SLC25A21: variants seen among roughly 807,000 people sequenced by gnomAD.
SLC25A21 encodes solute carrier family 25 member 21.
A neutral mutation model predicts 43.8 loss-of-function variants in SLC25A21; 47 were observed. The observed-to-expected ratio is 1.07, with a 90% CI of 0.85 to 1.37. The LOEUF (loss-of-function observed/expected upper bound fraction) is 1.37, where lower values mean the gene tolerates loss of function less well. Ranked by LOEUF, SLC25A21 falls within the 40% of genes most tolerant of loss-of-function variation. SLC25A21 has a pLI of 0.00. For missense variants in SLC25A21, 352 were observed against 350.2 expected (o/e 1.00, Z -0.04); for synonymous variants, 131 against 121.3 (o/e 1.08, Z -0.52).
At chr14:36,891,018 C>T (rs774633074) in intron 1 of SLC25A21, among the ~76,000 whole-genome samples, 4 of 152,094 alleles carry the variant, frequency 2.6e-5, no homozygotes, top group Admixed American at 6.6e-5. Context: ...GACTTGTAAT[C>T]GACAGTATTA....
chr14:37,012,919 T>C (rs113437567), intron 1 of SLC25A21, among the ~76,000 whole-genome samples: 2,069 of 152,308 alleles, frequency 0.014, 50 homozygotes, highest in African/African-American at 0.046. Context: ...CAGTGTGTTT[T>C]GGGGACACAC....
intron 3 of SLC25A21, among the ~76,000 whole-genome samples, chr14:36,763,523 G>C (rs1483905597): frequency 6.6e-6 from 1 of 152,174 alleles, no homozygotes; most frequent in African/African-American, 2.4e-5. Flanking sequence ...AAGGGAAACA[G>C]GAAGAACTTT....
At chr14:36,910,073 C>T (rs1891642984) in intron 1 of SLC25A21, among the ~76,000 whole-genome samples, 1 of 152,106 alleles carries the variant, frequency 6.6e-6, no homozygotes, top group Non-Finnish European at 1.5e-5. Context: ...ATCAGACTGT[C>T]AAATGCTCTT....
intron 1 of SLC25A21, among the ~76,000 whole-genome samples, chr14:36,880,457 T>G (rs1042510975): frequency 1.6e-4 from 25 of 152,164 alleles, no homozygotes; most frequent in Non-Finnish European, 5.9e-5. Flanking sequence ...CTTGTATTAT[T>G]GTGTGACACT....
intron 3 of SLC25A21, among the ~76,000 whole-genome samples, chr14:36,772,916 A>T (rs1490355776): frequency 6.6e-6 from 1 of 152,234 alleles, no homozygotes; most frequent in African/African-American, 2.4e-5. Flanking sequence ...ATATGTTTTT[A>T]AAAATGAACA....
Position 36,679,367 on chromosome 14 carries a change from G to A in SLC25A21, c.*1291C>T. ...ATTAATAAAAAGTAATAATTACCAT[G>A]TTATCTTTTACTTTTTATTTTCAAA... is the stretch of plus-strand genomic sequence containing the variant. On this transcript the variant is annotated 3_prime_UTR_variant, in exon 10 of 10. Coordinates refer to ENST00000331299, the MANE Select transcript of SLC25A21 (RefSeq NM_030631.4). 1.0e-6 allele frequency: 1 copy of A among 975,608 alleles called. No homozygotes were observed. The highest frequency in any genetic ancestry group is 1.2e-6 in the Non-Finnish European group (1 of 821,182). 60.4% of individuals were successfully genotyped at this position (975,608 alleles called of 1,614,324 possible).
At chr14:37,032,310 T>C (rs1333438086) in intron 1 of SLC25A21, among the ~76,000 whole-genome samples, 1 of 151,950 alleles carries the variant, frequency 6.6e-6, no homozygotes, top group Non-Finnish European at 1.5e-5. Context: ...CTGAGGCTGG[T>C]GGATCACGAG....
At chr14:37,090,129 C>G (rs1211199120) in intron 1 of SLC25A21, among the ~76,000 whole-genome samples, 1 of 152,170 alleles carries the variant, frequency 6.6e-6, no homozygotes, top group East Asian at 1.9e-4. Flanking sequence ...CACTGAGCTA[C>G]TTAACACAAA....
At chr14:36,949,860 C>T (rs555869158) in intron 1 of SLC25A21, among the ~76,000 whole-genome samples, 1 of 152,254 alleles carries the variant, frequency 6.6e-6, no homozygotes, top group African/African-American at 2.4e-5. Context: ...GGCAAATAGA[C>T]AACAATGGGT....
At position 36,680,150 on chromosome 14, in the gene SLC25A21, A is replaced by C; in HGVS notation, c.*508T>G. 2 of 851,826 alleles carry C rather than the reference A, an allele frequency of 2.3e-6. No homozygotes were observed. The highest frequency in any genetic ancestry group is 2.8e-6 in the Non-Finnish European group (2 of 708,986). 52.8% of individuals were successfully genotyped at this position (851,826 alleles called of 1,614,324 possible). A position where few individuals can be genotyped will look rare whatever the true frequency, so the allele number is the denominator to read the frequency against. ...TTAAAAGGTCATTTTAGTGCACTTT[A>C]AAAAATTTTTCTTGTGCTCTTTAAA... On this transcript the variant is annotated 3_prime_UTR_variant, in exon 10 of 10. Coordinates refer to ENST00000331299, the MANE Select transcript of SLC25A21 (RefSeq NM_030631.4).
At chr14:37,055,872 G>T (rs185531047) in intron 1 of SLC25A21, among the ~76,000 whole-genome samples, 53 of 152,262 alleles carry the variant, frequency 3.5e-4, no homozygotes, top group African/African-American at 1.2e-3. Flanking sequence ...ATGCTGATAT[G>T]GTTTGGCTTT....
intron 7 of SLC25A21, among the ~76,000 whole-genome samples, chr14:36,700,520 G>A (rs1433314676): frequency 3.9e-5 from 6 of 152,164 alleles, no homozygotes; most frequent in African/African-American, 1.2e-4. Context: ...AGACCCAAAG[G>A]GTCATGTGTC....
At chr14:36,745,343 CT>C (rs1885450455) in intron 3 of SLC25A21, among the ~76,000 whole-genome samples, 1 of 152,026 alleles carries the variant, frequency 6.6e-6, no homozygotes, top group Admixed American at 6.6e-5. Context: ...ATTTATAATC[CT>C]TTGGGTATAT....
intron 4 of SLC25A21, among the ~76,000 whole-genome samples, chr14:36,730,814 C>A (rs888243167): frequency 1.3e-5 from 2 of 152,116 alleles, no homozygotes; most frequent in African/African-American, 2.4e-5. Flanking sequence ...GAAACCTCTG[C>A]CTACTTGAGC....
intron 1 of SLC25A21, among the ~76,000 whole-genome samples, chr14:37,154,490 A>G (rs1469194456): frequency 3.9e-5 from 6 of 152,218 alleles, no homozygotes; most frequent in Non-Finnish European, 4.4e-5. Context: ...ATGACTCTCC[A>G]AAGGAACACA....
At chr14:37,126,688 C>T (rs118148097) in intron 1 of SLC25A21, among the ~76,000 whole-genome samples, 1 of 152,244 alleles carries the variant, frequency 6.6e-6, no homozygotes, top group Non-Finnish European at 1.5e-5. Context: ...AAAGCCTACA[C>T]GAACATGTCA....
At chr14:36,834,074 ATAAGTGAAGG>A (rs1566658606) in intron 2 of SLC25A21, among the ~76,000 whole-genome samples, 1 of 152,190 alleles carries the variant, frequency 6.6e-6, no homozygotes, top group African/African-American at 2.4e-5. Context: ...TTAAAACGCT[ATAAGTGAAGG>A]TGTGGATTAA....
chr14:36,772,076 T>C (rs1016054964), intron 3 of SLC25A21, among the ~76,000 whole-genome samples: 3 of 152,158 alleles, frequency 2.0e-5, no homozygotes, highest in Non-Finnish European at 2.9e-5. Flanking sequence ...CATTCCTAGA[T>C]TGTGCCACTT....
chr14:36,705,207 A>AT (rs113121852), intron 7 of SLC25A21, among the ~76,000 whole-genome samples: 4,188 of 147,306 alleles, frequency 0.028, 178 homozygotes, highest in African/African-American at 0.093. Flanking sequence ...TGCCTGGTTA[A>AT]TTTTTTTTTT....
Sources: gnomAD v4.1 joint callset for allele counts (sites outside exome capture counted in the v4.1 genomes callset) on GRCh38, gnomAD v4.1.1 for gene constraint, MANE v1.5 for transcripts, NCBI Gene and HGNC (gene_info 2026-07-23, HGNC 2026-07-21) for gene names.